DMD: variants seen among roughly 807,000 people sequenced by gnomAD.
DMD encodes mutant dystrophin.
A neutral mutation model predicts 330.1 loss-of-function variants in DMD; 63 were observed. That is an observed-to-expected ratio of 0.19 (90% CI 0.16 to 0.24). The LOEUF (loss-of-function observed/expected upper bound fraction) is 0.24. Among genes scored for constraint, DMD ranks in the 10% least tolerant of loss-of-function variants. The pLI is 1.00. For synonymous variants in DMD, 1,223 were observed against 959.8 expected, an observed-to-expected ratio of 1.27 and a Z score of -5.07; for missense variants, 3,344 against 2,684.1, an observed-to-expected ratio of 1.25 and a Z score of -5.43.
chrX:31,502,898 T>A (rs1441498613), intron 56 of DMD, among the ~76,000 whole-genome samples: 1 of 112,117 alleles, frequency 8.9e-6, no homozygotes, highest in Non-Finnish European at 1.9e-5. Context: ...TAATATTGGA[T>A]AACGTCATCA....
chrX:33,189,578 A>G, intron 1 of DMD, among the ~76,000 whole-genome samples: 1 of 110,343 alleles, frequency 9.1e-6, no homozygotes, highest in Non-Finnish European at 1.9e-5. Context: ...TGGTAAGGAG[A>G]AGGAGGGTAA....
intron 50 of DMD, among the ~76,000 whole-genome samples, chrX:31,793,766 A>G (rs964019122): frequency 2.7e-5 from 3 of 112,416 alleles, no homozygotes; most frequent in African/African-American, 9.7e-5. Context: ...TAAAATAAAA[A>G]TATCCTAAGC....
intron 1 of DMD, among the ~76,000 whole-genome samples, chrX:33,045,929 A>T (rs1777027898): frequency 9.0e-6 from 1 of 111,344 alleles, no homozygotes; most frequent in African/African-American, 3.3e-5. Flanking sequence ...AGGGTGTGGT[A>T]ATCAGGACAC....
chrX:32,264,863 T>A (rs925372403), intron 43 of DMD, among the ~76,000 whole-genome samples: 2 of 112,120 alleles, frequency 1.8e-5, no homozygotes, highest in African/African-American at 6.5e-5. Flanking sequence ...TTGGGTGCTG[T>A]TAAAAGCATT....
rs749196680 is a variant in DMD, at chrX:32,350,465, C to G, written c.5326-1937G>C. Among the ~76,000 whole-genome samples, 65 of 111,012 alleles carry G rather than the reference C, an allele frequency of 5.9e-4. 1 individual carries two copies. Among genetic ancestry groups the G allele is most frequent in the African/African-American group, 1.9e-3 (58 of 30,712 alleles). On this transcript the variant is annotated intron_variant, in intron 37 of 78. Coordinates refer to ENST00000357033, the MANE Select transcript of DMD (RefSeq NM_004006.3). ...AGACCATTTCTCTCAGTCATTCAGG[C>G]GTAAAACGTAAGTCATGCTATTTTT...
intron 43 of DMD, among the ~76,000 whole-genome samples, chrX:32,236,307 G>T (rs771609541): frequency 1.8e-5 from 2 of 112,235 alleles, no homozygotes; most frequent in Non-Finnish European, 3.8e-5. Context: ...GGTAGGACAT[G>T]CCATCCTCAG....
rs750604684 is a variant in DMD at position 32,711,260 on chromosome X, G to A, written c.650-11967C>T. Among the ~76,000 whole-genome samples, 4 of 111,112 alleles carry A rather than the reference G, an allele frequency of 3.6e-5. 1 individual carries two copies. The East Asian group carries it at 1.1e-3, about 32-fold the overall frequency. On this transcript the variant is annotated intron_variant, in intron 7 of 78. Coordinates refer to ENST00000357033, the MANE Select transcript of DMD (RefSeq NM_004006.3). Reference sequence around the variant, plus strand: ...AGTTCTTCTTGACTCTGAAATGTCGGCCTCTCTCAAATACCTCTCCCTCAG... The same window carrying A: ...AGTTCTTCTTGACTCTGAAATGTCGACCTCTCTCAAATACCTCTCCCTCAG...
intron 2 of DMD, among the ~76,000 whole-genome samples, chrX:32,926,423 C>T (rs949783989): frequency 8.9e-6 from 1 of 111,904 alleles, no homozygotes; most frequent in Non-Finnish European, 1.9e-5. Context: ...ATGTATTATA[C>T]TCTTGAAAAT....
At chrX:32,046,820 C>T (rs368872070) in intron 44 of DMD, among the ~76,000 whole-genome samples, 9 of 112,080 alleles carry the variant, frequency 8.0e-5, no homozygotes, top group African/African-American at 2.9e-4. Flanking sequence ...AACTCATACT[C>T]TTTGCCACAT....
chrX:33,190,902 TA>T (rs1183019067), intron 1 of DMD, among the ~76,000 whole-genome samples: 59 of 793 alleles, frequency 0.074, 2 homozygotes, highest in African/African-American at 0.17. Flanking sequence ...ATATATTATA[TA>T]ATATATAATA....
intron 48 of DMD, among the ~76,000 whole-genome samples, chrX:31,848,110 T>C (rs2093459918): frequency 1.8e-5 from 2 of 112,002 alleles, no homozygotes; most frequent in Non-Finnish European, 3.8e-5. Flanking sequence ...TGACGTTTCT[T>C]AATATTATGT....
At chrX:32,264,341 A>G (rs951040684) in intron 43 of DMD, among the ~76,000 whole-genome samples, 1 of 112,073 alleles carries the variant, frequency 8.9e-6, no homozygotes, top group African/African-American at 3.2e-5. Context: ...TCGTTCCTTT[A>G]TAAATTACCC....
chrX:33,257,321 C>G lies in DMD; in HGVS notation c.7+81938G>C, dbSNP rs751572349. 5.5e-4 allele frequency among the ~76,000 whole-genome samples: 61 copies of G among 110,895 alleles called. 1 individual carries two copies. Among genetic ancestry groups the G allele is most frequent in the Admixed American group, 4.8e-4 (5 of 10,400 alleles). ...TCCTCCCTCCAATTTTTTTTAGCAT[C>G]ATGCTATTTTCATTTAGAAAGGTCA... On this transcript the variant is annotated intron_variant, in intron 1 of 17. Transcript: ENST00000288447.
chrX:32,071,532 T>G (rs2096298723), intron 44 of DMD, among the ~76,000 whole-genome samples: 1 of 96,044 alleles, frequency 1.0e-5, no homozygotes, highest in Non-Finnish European at 2.1e-5. Flanking sequence ...GGGGGAGGGA[T>G]AGCATTAGGA....
intron 60 of DMD, among the ~76,000 whole-genome samples, chrX:31,405,719 C>T (rs2061377552): frequency 9.0e-6 from 1 of 111,373 alleles, no homozygotes; most frequent in Non-Finnish European, 1.9e-5. Flanking sequence ...AATCAATTTC[C>T]ACTTATGGAT....
chrX:31,527,848 G>A (rs1176639886), intron 55 of DMD, among the ~76,000 whole-genome samples: 2 of 111,546 alleles, frequency 1.8e-5, no homozygotes, highest in Admixed American at 9.5e-5. Context: ...TTAGAAATCT[G>A]TCCTCGAAGC....
intron 11 of DMD, among the ~76,000 whole-genome samples, chrX:32,622,856 G>A (rs959187205): frequency 4.5e-5 from 5 of 111,900 alleles, no homozygotes; most frequent in Admixed American, 1.9e-4. Context: ...TTGGGTCGAA[G>A]AATTCAGTTC....
At chrX:33,299,594 T>C (rs1314739094) in intron 1 of DMD, among the ~76,000 whole-genome samples, 3 of 111,216 alleles carry the variant, frequency 2.7e-5, no homozygotes, top group East Asian at 2.8e-4. Context: ...AAATGAAATA[T>C]GCAAGAAAGA....
chrX:31,492,738 A>G lies in DMD; in HGVS notation c.8547+4050T>C, dbSNP rs1603255811. Among the ~76,000 whole-genome samples, 4 of 111,082 alleles carry G rather than the reference A, an allele frequency of 3.6e-5. No individual in the cohort carries two copies. In the South Asian group the frequency reaches 1.6e-3, roughly 43 times the overall value. On this transcript the variant is annotated intron_variant, in intron 57 of 78. Transcript: ENST00000357033. ...ATGTCCTTTGCAGGGACATGGATGA[A>G]GCTGGAAACCATCATTCTCAGCAAA...
Sources: allele counts gnomAD v4.1 joint callset (sites outside exome capture counted in the v4.1 genomes callset), GRCh38; gene constraint gnomAD v4.1.1; transcripts MANE v1.5; gene names NCBI Gene and HGNC (gene_info 2026-07-23, HGNC 2026-07-21).